The following LOXHD1 variants were observed in gnomAD, a reference collection of about 807,000 sequenced individuals.
LOXHD1 encodes lipoxygenase homology PLAT domains 1.
A neutral mutation model predicts 248.2 loss-of-function variants in LOXHD1; 205 were observed. The ratio of observed to expected loss-of-function variants is 0.83; its 90% CI spans 0.74 to 0.93. The LOEUF (loss-of-function observed/expected upper bound fraction) is 0.93, where lower values mean the gene tolerates loss of function less well. Ranked by LOEUF, LOXHD1 falls within the 40% of genes least tolerant of loss-of-function variation. The pLI, the probability that LOXHD1 is intolerant of heterozygous loss-of-function variation, is 0.00. For synonymous variants in LOXHD1, 1,113 were observed against 1,162.8 expected, an observed-to-expected ratio of 0.96 and a Z score of 0.87; for missense variants, 2,930 against 2,971.6, an observed-to-expected ratio of 0.99 and a Z score of 0.33.
intron 1 of LOXHD1, among the ~76,000 whole-genome samples, chr18:46,654,361 T>C (rs1475903468): frequency 6.6e-6 from 1 of 152,238 alleles, no homozygotes; most frequent in Non-Finnish European, 1.5e-5. Flanking sequence ...TCCCAACAGA[T>C]GCTGGGGGAC....
At chr18:46,603,997 C>A in intron 7 of LOXHD1, 109 bp downstream of exon 7, 1 of 1,428,804 alleles carries the variant, frequency 7.0e-7, no homozygotes, top group South Asian at 1.3e-5. Flanking sequence ...TGTCTGCAGA[C>A]CCAGCTGGCT....
chr18:46,610,283 A>C (rs2038485740), intron 6 of LOXHD1, among the ~76,000 whole-genome samples: 1 of 152,028 alleles, frequency 6.6e-6, no homozygotes, highest in Non-Finnish European at 1.5e-5. Context: ...CGTCATTCTT[A>C]GCAAACTATC....
chr18:46,493,463 T>A (rs1033910943), intron 37 of LOXHD1, among the ~76,000 whole-genome samples: 5 of 152,238 alleles, frequency 3.3e-5, no homozygotes, highest in African/African-American at 4.8e-5. Flanking sequence ...TTGTAACCTA[T>A]CCACCTCTAT....
chr18:46,499,851 A>G (rs1329168508), intron 37 of LOXHD1, among the ~76,000 whole-genome samples: 1 of 152,220 alleles, frequency 6.6e-6, no homozygotes, highest in Non-Finnish European at 1.5e-5. Context: ...CTAGGGAGAA[A>G]TAAACATTTT....
intron 40 of LOXHD1, among the ~76,000 whole-genome samples, chr18:46,479,741 T>C (rs566637256): frequency 7.3e-5 from 11 of 151,314 alleles, no homozygotes; most frequent in African/African-American, 2.4e-4. Flanking sequence ...TCAAACCCTA[T>C]TTTAGATGAA....
Position 46,639,604 on chromosome 18 carries a change from C to T in LOXHD1, c.511+12G>A, listed in dbSNP as rs2144376136. 1 of 1,548,532 alleles carries T rather than the reference C, an allele frequency of 6.5e-7. No individual in the cohort carries two copies. The highest frequency in any genetic ancestry group is 2.4e-5 in the East Asian group (1 of 40,886). On this transcript the variant is annotated intron_variant, in intron 4 of 40. Coordinates refer to ENST00000642948, the MANE Select transcript of LOXHD1 (RefSeq NM_001384474.1). Reference sequence around the variant, plus strand: ...AGGGAGGGATGGCAGGCAGGCCAGCCTAGGCACTGACCTCTGGGCATGTCC... The same window carrying T: ...AGGGAGGGATGGCAGGCAGGCCAGCTTAGGCACTGACCTCTGGGCATGTCC...
intron 37 of LOXHD1, among the ~76,000 whole-genome samples, chr18:46,489,547 A>G (rs147517799): frequency 6.6e-6 from 1 of 152,304 alleles, no homozygotes; most frequent in African/African-American, 2.4e-5. Context: ...GATGACTTCT[A>G]TCACTTCCTG....
chr18:46,489,165 G>A, intron 37 of LOXHD1, 23 bp from the exon 38 acceptor site: 9 of 1,551,404 alleles, frequency 5.8e-6, no homozygotes, highest in Non-Finnish European at 7.8e-6. Flanking sequence ...CACCATGGGG[G>A]TTGGAAGCTG....
intron 1 of LOXHD1, among the ~76,000 whole-genome samples, chr18:46,651,040 T>C (rs1282814214): frequency 6.6e-6 from 1 of 152,238 alleles, no homozygotes; most frequent in African/African-American, 2.4e-5. Flanking sequence ...CTACCGTTCA[T>C]ACGGAAAAGC....
intron 3 of LOXHD1, 42 bp from the exon 4 acceptor site, chr18:46,639,842 G>T: frequency 6.5e-7 from 1 of 1,548,368 alleles, no homozygotes; most frequent in South Asian, 1.2e-5. Flanking sequence ...TGGCAGAACT[G>T]AAACAGCACC....
intron 19 of LOXHD1, 35 bp downstream of exon 19, chr18:46,560,048 T>TGCCGACCCCCC: frequency 1.6e-6 from 2 of 1,226,298 alleles, no homozygotes; most frequent in Non-Finnish European, 2.3e-6. Context: ...GTCTGGCCAC[T>TGCCGACCCCCC]CCCTCCCCAC....
At chr18:46,515,070 T>C (rs979297849) in intron 34 of LOXHD1, among the ~76,000 whole-genome samples, 7 of 152,200 alleles carry the variant, frequency 4.6e-5, no homozygotes, top group African/African-American at 1.7e-4. Context: ...TTGGGAAATT[T>C]AGCTGGGGAG....
intron 2 of LOXHD1, among the ~76,000 whole-genome samples, chr18:46,644,365 T>C (rs188636001): frequency 7.9e-5 from 12 of 152,268 alleles, no homozygotes; most frequent in Admixed American, 5.2e-4. Flanking sequence ...GAAAAGAAGC[T>C]CCAACAGTTG....
chr18:46,506,051 G>C (rs770804741), intron 36 of LOXHD1, 28 bp from the exon 37 acceptor site: 1 of 1,549,962 alleles, frequency 6.5e-7, no homozygotes, highest in South Asian at 1.2e-5. Context: ...TGAGGCTTAG[G>C]GTGCCAGCCT....
At chr18:46,521,316 G>A (rs565793229) in intron 32 of LOXHD1, 34 bp from the exon 33 acceptor site, 1 of 1,550,430 alleles carries the variant, frequency 6.4e-7, no homozygotes, top group East Asian at 2.4e-5. Context: ...GTGACGATCT[G>A]GGCACAACTG....
At chr18:46,619,391 T>C (rs1269102188) in intron 4 of LOXHD1, among the ~76,000 whole-genome samples, 1 of 152,208 alleles carries the variant, frequency 6.6e-6, no homozygotes, top group African/African-American at 2.4e-5. Flanking sequence ...CTCCGCTATG[T>C]TGCCTGTGAC....
chr18:46,552,600 T>C (rs1353774360), intron 21 of LOXHD1, among the ~76,000 whole-genome samples: 1 of 152,092 alleles, frequency 6.6e-6, no homozygotes, highest in Non-Finnish European at 1.5e-5. Flanking sequence ...TCCCTTGGGG[T>C]GACTTCGCAG....
chr18:46,549,239 G>A (rs1190947525), intron 21 of LOXHD1, among the ~76,000 whole-genome samples: 1 of 152,170 alleles, frequency 6.6e-6, no homozygotes, highest in Admixed American at 6.5e-5. Flanking sequence ...TCCTAAACAA[G>A]GATGATGGAA....
Position 46,554,473 on chromosome 18 carries a change from C to T in LOXHD1, c.3350+2883G>A, listed in dbSNP as rs931697520. Among the ~76,000 whole-genome samples the T allele has an allele frequency of 1.2e-4, 19 of 152,286 alleles. No individual in the cohort carries two copies. In the East Asian group the frequency reaches 3.7e-3, roughly 29 times the overall value. On this transcript the variant is annotated intron_variant, in intron 21 of 40. Coordinates refer to ENST00000642948, the MANE Select transcript of LOXHD1 (RefSeq NM_001384474.1). ...AAAGGGGAGATTCACTATTCTGATT[C>T]GGTTTCTTCTGAACTTCTATAATTT...
Sources: gnomAD v4.1 joint callset for allele counts (sites outside exome capture counted in the v4.1 genomes callset) on GRCh38, gnomAD v4.1.1 for gene constraint, MANE v1.5 for transcripts, NCBI Gene and HGNC (gene_info 2026-07-23, HGNC 2026-07-21) for gene names.